RAPGEF4: variants seen among roughly 807,000 people sequenced by gnomAD.
RAPGEF4 encodes RAP guanine-nucleotide-exchange factor (GEF) 4.
RAPGEF4 carries 66 observed loss-of-function variants against 147.9 expected under a neutral mutation model. The observed-to-expected ratio is 0.45, with a 90% CI of 0.37 to 0.55. The LOEUF is 0.55. RAPGEF4 is among the 20% of genes least tolerant of loss of function. The pLI is 0.00. For missense variants in RAPGEF4, 1,071 were observed against 1,257.3 expected (o/e 0.85, Z 2.24); for synonymous variants, 419 against 442.7 (o/e 0.95, Z 0.67).
intron 4 of RAPGEF4, among the ~76,000 whole-genome samples, chr2:172,877,982 A>G (rs1362321697): frequency 2.6e-5 from 4 of 152,160 alleles, no homozygotes; most frequent in Non-Finnish European, 4.4e-5. Context: ...ACTCTAAGAA[A>G]CTTTGTCTGT....
At position 172,852,335 on chromosome 2, in the gene RAPGEF4, A is replaced by C. The variant is rs568785194; in HGVS notation, c.444+37910A>C. On this transcript the variant is annotated intron_variant, in intron 4 of 30. Coordinates refer to ENST00000397081, the MANE Select transcript of RAPGEF4 (RefSeq NM_007023.4). ...TCCTTAAGGCTTCTTAAGCTAATGA[A>C]TTGTCAATTTTGATGAATTGTCAAT... Among the ~76,000 whole-genome samples the C allele has an allele frequency of 1.3e-4, 20 of 152,306 alleles. No individual in the cohort carries two copies. In the East Asian group the frequency reaches 3.5e-3, roughly 26 times the overall value.
chr2:173,007,117 G>C (rs1157097060), intron 17 of RAPGEF4, among the ~76,000 whole-genome samples: 1 of 152,196 alleles, frequency 6.6e-6, no homozygotes, highest in African/African-American at 2.4e-5. Context: ...AGCTTGAGCA[G>C]CTAGGTAATT....
intron 6 of RAPGEF4, among the ~76,000 whole-genome samples, chr2:172,934,147 CTTTT>C (rs5836396): frequency 1.0e-5 from 1 of 99,132 alleles, no homozygotes. Context: ...TTATTTAATC[CTTTT>C]TTTTTTTTTT....
At chr2:172,885,738 A>G (rs534792507) in intron 4 of RAPGEF4, among the ~76,000 whole-genome samples, 1 of 152,280 alleles carries the variant, frequency 6.6e-6, no homozygotes, top group African/African-American at 2.4e-5. Flanking sequence ...TCCACAACAC[A>G]TAGGAATTAT....
intron 15 of RAPGEF4, among the ~76,000 whole-genome samples, chr2:172,996,038 G>A (rs535700489): frequency 6.6e-6 from 1 of 152,238 alleles, no homozygotes; most frequent in South Asian, 2.1e-4. Context: ...ATCCAGTGTG[G>A]GAAGAAGTTT....
chr2:172,834,166 C>T (rs1181216775), intron 4 of RAPGEF4, among the ~76,000 whole-genome samples: 1 of 152,184 alleles, frequency 6.6e-6, no homozygotes, highest in Non-Finnish European at 1.5e-5. Flanking sequence ...GCTGCATGGT[C>T]TCTCTTTCTC....
At chr2:172,775,342 T>C (rs1278636789) in intron 1 of RAPGEF4, among the ~76,000 whole-genome samples, 1 of 152,238 alleles carries the variant, frequency 6.6e-6, no homozygotes, top group Non-Finnish European at 1.5e-5. Flanking sequence ...AGCTTTCTTT[T>C]TATTAAATCA....
intron 5 of RAPGEF4, among the ~76,000 whole-genome samples, chr2:172,920,094 T>C (rs1684578181): frequency 6.6e-6 from 1 of 152,132 alleles, no homozygotes; most frequent in South Asian, 2.1e-4. Flanking sequence ...TATGAAAAAT[T>C]TCAAACATAC....
intron 16 of RAPGEF4, among the ~76,000 whole-genome samples, chr2:172,999,721 A>G (rs577199981): frequency 9.8e-5 from 15 of 152,346 alleles, no homozygotes; most frequent in African/African-American, 3.6e-4. Context: ...TGAATCAGTG[A>G]CTAAATGTTT....
chr2:172,785,749 T>G (rs1231780608), intron 1 of RAPGEF4, among the ~76,000 whole-genome samples: 1 of 152,168 alleles, frequency 6.6e-6, no homozygotes, highest in African/African-American at 2.4e-5. Context: ...GGCCAAGCTT[T>G]TTCTTTATAA....
intron 15 of RAPGEF4, 115 bp from the exon 16 acceptor site, chr2:172,996,351 G>T (rs1693361004): frequency 1.8e-6 from 1 of 562,116 alleles, no homozygotes; most frequent in Admixed American, 3.9e-5. Context: ...ACCATGAAAG[G>T]TATATGGTTC....
At chr2:173,019,724 C>T (rs1177047411) in intron 22 of RAPGEF4, among the ~76,000 whole-genome samples, 1 of 152,206 alleles carries the variant, frequency 6.6e-6, no homozygotes, top group Non-Finnish European at 1.5e-5. Flanking sequence ...TCTGCCCTCC[C>T]TGACCCCTTG....
intron 1 of RAPGEF4, among the ~76,000 whole-genome samples, chr2:172,778,568 T>A (rs1356643520): frequency 6.6e-6 from 1 of 152,108 alleles, no homozygotes; most frequent in African/African-American, 2.4e-5. Context: ...GGTGTGAAAA[T>A]GGTTTAGAAC....
At chr2:172,930,574 C>T (rs1330484997) in intron 6 of RAPGEF4, among the ~76,000 whole-genome samples, 4 of 152,102 alleles carry the variant, frequency 2.6e-5, no homozygotes, top group East Asian at 3.9e-4. Flanking sequence ...TTGAATTTTG[C>T]CCTCTTTTTC....
chr2:173,011,549 T>G (rs1293068230), intron 17 of RAPGEF4, among the ~76,000 whole-genome samples: 1 of 151,400 alleles, frequency 6.6e-6, no homozygotes, highest in Non-Finnish European at 1.5e-5. Context: ...GAATCTTTCC[T>G]CTCTCTCTCT....
chr2:173,016,391 G>A lies in RAPGEF4; in HGVS notation c.1852G>A (p.Ala618Thr), dbSNP rs1332967055. ...ATCAGATGATGCCCGGATGATTGCT[G>A]CCCTCAAGGAGCAACTGCCAGAGTT... ...SVSDDARMIA[A>T]LKEQLPELEK... The change falls in exon 19 of 31, where the codon GCC (alanine) becomes ACC (threonine). Residue 618 changes from alanine (A) to threonine (T), a missense_variant. Physicochemically the swap from Ala to Thr is moderately conservative, Grantham distance 58. Coordinates refer to ENST00000397081, the MANE Select transcript of RAPGEF4 (RefSeq NM_007023.4). 2.5e-6 allele frequency: 4 copies of A among 1,613,830 alleles called. No individual in the cohort carries two copies. Among genetic ancestry groups the A allele is most frequent in the Non-Finnish European group, 3.4e-6 (4 of 1,179,742 alleles).
chr2:172,877,853 G>C (rs764295897), intron 4 of RAPGEF4, among the ~76,000 whole-genome samples: 60 of 152,164 alleles, frequency 3.9e-4, no homozygotes, highest in Admixed American at 8.5e-4. Flanking sequence ...GACTCTCCTA[G>C]CTATTGGAAA....
chr2:172,818,838 C>G (rs16860920), intron 4 of RAPGEF4, among the ~76,000 whole-genome samples: 17,398 of 152,180 alleles, frequency 0.11, 1,041 homozygotes, highest in South Asian at 0.18. Context: ...AGCAAGTTTT[C>G]TAGGCTTCCT....
At chr2:172,746,466 C>A (rs1414343845) in intron 1 of RAPGEF4, among the ~76,000 whole-genome samples, 1 of 152,110 alleles carries the variant, frequency 6.6e-6, no homozygotes. Context: ...CTGTGGAAAC[C>A]AAGGGACATA....
Sources: allele counts gnomAD v4.1 joint callset (sites outside exome capture counted in the v4.1 genomes callset), GRCh38; gene constraint gnomAD v4.1.1; transcripts MANE v1.5; gene names NCBI Gene and HGNC (gene_info 2026-07-23, HGNC 2026-07-21).